The following ARMC1 variants were observed in gnomAD, a reference collection of about 807,000 sequenced individuals.
The protein encoded by ARMC1 is armadillo repeat containing 1.
In ARMC1, 16 loss-of-function variants were observed where a neutral mutation model predicts 31.4. The ratio of observed to expected loss-of-function variants is 0.51; its 90% CI spans 0.34 to 0.77. The LOEUF (loss-of-function observed/expected upper bound fraction) is 0.77. Among genes scored for constraint, ARMC1 ranks in the 30% least tolerant of loss-of-function variants. The pLI is 0.01. For missense variants in ARMC1, 259 were observed against 347.5 expected (o/e 0.75, Z 2.02); for synonymous variants, 114 against 118.9 (o/e 0.96, Z 0.27).
chr8:65,627,071 C>G (rs1808526289), intron 2 of ARMC1, 145 bp downstream of exon 2: 2 of 660,486 alleles, frequency 3.0e-6, no homozygotes, highest in Non-Finnish European at 5.1e-6. Context: ...CCACAGACCA[C>G]ACATACATAT....
chr8:65,628,632 C>T (rs1253740889), intron 1 of ARMC1, among the ~76,000 whole-genome samples: 8 of 145,310 alleles, frequency 5.5e-5, no homozygotes, highest in South Asian at 2.2e-4. Flanking sequence ...CCGAGGCAGG[C>T]AGATCTCCTG....
intron 2 of ARMC1, among the ~76,000 whole-genome samples, chr8:65,623,152 A>G (rs1808429932): frequency 1.3e-5 from 2 of 150,944 alleles, no homozygotes; most frequent in Non-Finnish European, 2.9e-5. Flanking sequence ...TACTAAAAAT[A>G]CAAAAATTAG....
At chr8:65,629,854 G>A (rs537697094) in intron 1 of ARMC1, among the ~76,000 whole-genome samples, 33 of 150,528 alleles carry the variant, frequency 2.2e-4, no homozygotes, top group African/African-American at 7.8e-4. Context: ...TCTTAAAATG[G>A]CTATGAGTTG....
chr8:65,620,383 C>T (rs1403635774), intron 3 of ARMC1, among the ~76,000 whole-genome samples: 2 of 147,378 alleles, frequency 1.4e-5, no homozygotes, highest in Admixed American at 6.9e-5. Flanking sequence ...CTCACTGCAA[C>T]CTCTGCCTCC....
intron 2 of ARMC1, among the ~76,000 whole-genome samples, chr8:65,624,476 G>A (rs971817827): frequency 1.5e-4 from 16 of 105,068 alleles, no homozygotes; most frequent in Non-Finnish European, 2.1e-4. Context: ...TCCAGCCTAG[G>A]TGACAGAGCA....
At chr8:65,619,683 C>CA (rs1202954541) in intron 3 of ARMC1, among the ~76,000 whole-genome samples, 1 of 151,610 alleles carries the variant, frequency 6.6e-6, no homozygotes, top group African/African-American at 2.4e-5. Flanking sequence ...CCCATCTCTA[C>CA]AAAAAAATAC....
intron 4 of ARMC1, among the ~76,000 whole-genome samples, chr8:65,608,461 G>A (rs1444131730): frequency 1.3e-5 from 2 of 151,946 alleles, no homozygotes; most frequent in African/African-American, 2.4e-5. Context: ...CCCAGGGGGT[G>A]GAGGTTGCAG....
At chr8:65,622,436 C>T in intron 2 of ARMC1, 82 bp from the exon 3 acceptor site, 1 of 1,076,410 alleles carries the variant, frequency 9.3e-7, no homozygotes, top group South Asian at 1.4e-5. Context: ...TGCAAGAAAA[C>T]AAAAAAGGAG....
intron 3 of ARMC1, among the ~76,000 whole-genome samples, chr8:65,619,446 G>A (rs1440855495): frequency 1.3e-5 from 2 of 152,132 alleles, no homozygotes; most frequent in Non-Finnish European, 2.9e-5. Context: ...GCTGAGACAG[G>A]AGAATCGCTT....
At chr8:65,604,754 T>C (rs550703598) in intron 6 of ARMC1, among the ~76,000 whole-genome samples, 169 bp from the exon 7 acceptor site, 21 of 152,280 alleles carry the variant, frequency 1.4e-4, no homozygotes, top group African/African-American at 4.8e-4. Context: ...AACTCAGAAG[T>C]TGATCTGCTG....
At chr8:65,609,660 C>T (rs1234488136) in intron 4 of ARMC1, among the ~76,000 whole-genome samples, 2 of 151,996 alleles carry the variant, frequency 1.3e-5, no homozygotes, top group South Asian at 4.1e-4. Context: ...GAGTTCGAGA[C>T]CAGCCTGGCC....
intron 1 of ARMC1, among the ~76,000 whole-genome samples, chr8:65,631,715 A>G (rs562230932): frequency 6.6e-6 from 1 of 152,306 alleles, no homozygotes; most frequent in African/African-American, 2.4e-5. Flanking sequence ...TCAACTTCAC[A>G]CACTCAAGCT....
chr8:65,623,501 C>T (rs1416205669), intron 2 of ARMC1, among the ~76,000 whole-genome samples: 5 of 150,330 alleles, frequency 3.3e-5, no homozygotes, highest in Admixed American at 6.7e-5. Flanking sequence ...CCCAGCTACT[C>T]GGGAGACTGA....
rs972720262 is a variant in ARMC1 at position 65,629,087 on chromosome 8, G to A, written c.-35-1654C>T. 4.6e-5 allele frequency among the ~76,000 whole-genome samples: 7 copies of A among 151,774 alleles called. No homozygotes were observed. In the East Asian group the frequency reaches 5.8e-4, roughly 13 times the overall value. ...GGAGAACTGACTGAACCTGGGAAGC[G>A]GAGGTTGCAGTGAGCCGAGATTGCG... On this transcript the variant is annotated intron_variant, in intron 1 of 6. Transcript: ENST00000276569.
At chr8:65,608,292 C>T (rs1011602085) in intron 4 of ARMC1, among the ~76,000 whole-genome samples, 24 of 152,062 alleles carry the variant, frequency 1.6e-4, no homozygotes, top group South Asian at 6.2e-4. Flanking sequence ...TTTGTGAGGC[C>T]GAGGCAGGTG....
intron 2 of ARMC1, 146 bp downstream of exon 2, chr8:65,627,070 A>G: frequency 1.5e-6 from 1 of 657,332 alleles, no homozygotes; most frequent in East Asian, 2.8e-5. Flanking sequence ...ACCACAGACC[A>G]CACATACATA....
intron 1 of ARMC1, among the ~76,000 whole-genome samples, chr8:65,628,391 A>ATTTTTTTTTTTTTTT (rs763494218): frequency 3.8e-5 from 3 of 78,810 alleles, no homozygotes; most frequent in Non-Finnish European, 7.1e-5. Flanking sequence ...CGCCCGGCTA[A>ATTTTTTTTTTTTTTT]TTTTTTTTTT....
chr8:65,620,394 C>T lies in ARMC1; in HGVS notation c.275+1869G>A, dbSNP rs536847042. On this transcript the variant is annotated intron_variant, in intron 3 of 6. Transcript: ENST00000276569. The stretch of plus-strand genomic sequence containing the variant: ...TTGGCTCACTGCAACCTCTGCCTCC[C>T]GAGTTCAAGCGATTCTCCTGCTTCA... 9.4e-5 allele frequency among the ~76,000 whole-genome samples: 14 copies of T among 149,032 alleles called. 1 individual carries two copies. Among genetic ancestry groups the T allele is most frequent in the African/African-American group, 3.2e-4 (13 of 40,198 alleles).
intron 3 of ARMC1, among the ~76,000 whole-genome samples, chr8:65,617,065 G>A (rs1472421024): frequency 3.3e-5 from 5 of 150,474 alleles, no homozygotes; most frequent in Admixed American, 6.6e-5. Flanking sequence ...CTGCCCAGCC[G>A]CCCCTTCTGG....
Sources: allele counts gnomAD v4.1 joint callset (sites outside exome capture counted in the v4.1 genomes callset), GRCh38; gene constraint gnomAD v4.1.1; transcripts MANE v1.5; gene names NCBI Gene and HGNC (gene_info 2026-07-23, HGNC 2026-07-21).